The following PEX5L variants were observed in gnomAD, a reference collection of about 807,000 sequenced individuals.
PEX5L encodes the protein PEX5-related protein.
PEX5L carries 30 observed loss-of-function variants against 84.0 expected under a neutral mutation model. That is an observed-to-expected ratio of 0.36 (90% CI 0.27 to 0.48). The LOEUF (loss-of-function observed/expected upper bound fraction) is 0.48. PEX5L is among the 20% of genes least tolerant of loss of function. The pLI is 0.99. For synonymous variants in PEX5L, 270 were observed against 283.1 expected (o/e 0.95, Z 0.46); for missense variants, 533 against 754.6 (o/e 0.71, Z 3.44).
chr3:179,861,933 C>G (rs1746314264), intron 7 of PEX5L, among the ~76,000 whole-genome samples: 2 of 152,182 alleles, frequency 1.3e-5, no homozygotes, highest in African/African-American at 4.8e-5. Flanking sequence ...GTCTTCTTGA[C>G]CCTTGTGTTA....
chr3:179,963,038 TTAAAG>T (rs1476070843), intron 2 of PEX5L, among the ~76,000 whole-genome samples: 1 of 152,244 alleles, frequency 6.6e-6, no homozygotes, highest in Non-Finnish European at 1.5e-5. Context: ...TATTAATATC[TTAAAG>T]TAAAGATACC....
chr3:179,836,768 T>C (rs543272473), intron 8 of PEX5L, among the ~76,000 whole-genome samples: 2 of 152,324 alleles, frequency 1.3e-5, no homozygotes, highest in African/African-American at 2.4e-5. Flanking sequence ...TCAGGTGGTA[T>C]ATTTTAGACT....
intron 8 of PEX5L, 163 bp from the exon 9 acceptor site, chr3:179,820,139 C>T: frequency 1.1e-6 from 1 of 884,996 alleles, no homozygotes; most frequent in South Asian, 1.7e-5. Context: ...AGGGTACTCA[C>T]TGGTCAGAGT....
chr3:179,901,042 G>A (rs141880034), intron 2 of PEX5L, among the ~76,000 whole-genome samples: 32 of 152,180 alleles, frequency 2.1e-4, no homozygotes, highest in Admixed American at 9.2e-4. Flanking sequence ...TATTTATCTC[G>A]TGGGATAATG....
chr3:179,988,441 G>A (rs548789115), intron 1 of PEX5L, among the ~76,000 whole-genome samples: 1 of 145,822 alleles, frequency 6.9e-6, no homozygotes, highest in East Asian at 1.9e-4. Flanking sequence ...AGAAAGAAGA[G>A]GTCCATTGTT....
intron 1 of PEX5L, among the ~76,000 whole-genome samples, chr3:180,021,714 T>C (rs1347326764): frequency 6.6e-6 from 1 of 152,192 alleles, no homozygotes; most frequent in East Asian, 1.9e-4. Context: ...AGTGAGTCCA[T>C]ATCTGAACAT....
chr3:179,954,713 C>T (rs753508363), intron 2 of PEX5L, among the ~76,000 whole-genome samples: 9 of 152,206 alleles, frequency 5.9e-5, no homozygotes, highest in South Asian at 2.1e-4. Flanking sequence ...GACCTGATTT[C>T]AATTCTATGT....
intron 1 of PEX5L, among the ~76,000 whole-genome samples, chr3:179,982,358 T>A (rs772448077): frequency 5.3e-5 from 8 of 152,198 alleles, no homozygotes; most frequent in Non-Finnish European, 1.0e-4. Context: ...AATGGACTTA[T>A]GTCTACAAGA....
At chr3:179,996,249 T>C (rs954337861) in intron 1 of PEX5L, among the ~76,000 whole-genome samples, 18 of 152,260 alleles carry the variant, frequency 1.2e-4, no homozygotes, top group African/African-American at 3.6e-4. Context: ...AGTTTTCTAA[T>C]TTATATATGC....
intron 8 of PEX5L, among the ~76,000 whole-genome samples, chr3:179,854,591 T>C (rs1238989278): frequency 6.6e-6 from 1 of 152,150 alleles, no homozygotes; most frequent in Non-Finnish European, 1.5e-5. Flanking sequence ...ATGTCAACTA[T>C]TAAAATGGAG....
intron 2 of PEX5L, among the ~76,000 whole-genome samples, chr3:179,962,074 G>A (rs999152531): frequency 2.6e-5 from 4 of 152,226 alleles, no homozygotes; most frequent in Non-Finnish European, 5.9e-5. Flanking sequence ...TGGATACTGG[G>A]AAGATGTCAC....
chr3:179,923,872 T>C (rs769620351), intron 2 of PEX5L, among the ~76,000 whole-genome samples: 1 of 152,216 alleles, frequency 6.6e-6, no homozygotes, highest in East Asian at 1.9e-4. Context: ...GAGTTTCATC[T>C]ATGCGACTGG....
At chr3:180,020,857 A>G (rs911506082) in intron 1 of PEX5L, among the ~76,000 whole-genome samples, 1 of 152,216 alleles carries the variant, frequency 6.6e-6, no homozygotes, top group Non-Finnish European at 1.5e-5. Context: ...AATCAAACCA[A>G]GCAGACTAAT....
intron 2 of PEX5L, among the ~76,000 whole-genome samples, chr3:179,915,874 G>A (rs1766883812): frequency 6.6e-6 from 1 of 152,170 alleles, no homozygotes; most frequent in Non-Finnish European, 1.5e-5. Flanking sequence ...GGGCATCAGA[G>A]CATCCAGTTA....
intron 2 of PEX5L, among the ~76,000 whole-genome samples, chr3:179,914,891 C>T (rs1766477666): frequency 1.3e-5 from 2 of 152,016 alleles, no homozygotes; most frequent in African/African-American, 4.8e-5. Context: ...ATCATATTTA[C>T]TTTAAATTAA....
intron 1 of PEX5L, among the ~76,000 whole-genome samples, chr3:179,978,286 A>G (rs1288774513): frequency 3.9e-5 from 6 of 152,124 alleles, no homozygotes; most frequent in African/African-American, 1.2e-4. Flanking sequence ...AATATTTTCT[A>G]TTTTCCAAGA....
At chr3:179,839,100 T>G (rs1462016249) in intron 8 of PEX5L, among the ~76,000 whole-genome samples, 1 of 152,134 alleles carries the variant, frequency 6.6e-6, no homozygotes, top group African/African-American at 2.4e-5. Context: ...AGGTGATATA[T>G]GAGATGCAAT....
intron 3 of PEX5L, chr3:179,888,161 G>C: frequency 7.8e-7 from 1 of 1,290,178 alleles, no homozygotes; most frequent in Non-Finnish European, 1.0e-6. Flanking sequence ...AGTGGCTTCA[G>C]ACTCAAAGAT....
intron 2 of PEX5L, among the ~76,000 whole-genome samples, chr3:179,920,776 A>G (rs985700987): frequency 6.6e-6 from 1 of 152,168 alleles, no homozygotes; most frequent in South Asian, 2.1e-4. Flanking sequence ...CCCATCATCT[A>G]AAAGACTCCT....
Sources: gnomAD v4.1 joint callset for allele counts (sites outside exome capture counted in the v4.1 genomes callset) on GRCh38, gnomAD v4.1.1 for gene constraint, MANE v1.5 for transcripts, NCBI Gene and HGNC (gene_info 2026-07-23, HGNC 2026-07-21) for gene names.